The following FTSJ3 variants were observed in gnomAD, a reference collection of about 807,000 sequenced individuals.
FTSJ3 encodes the protein FtsJ RNA 2'-O-methyltransferase 3.
Under a neutral mutation model 111.5 loss-of-function variants are expected in FTSJ3, and 46 were observed. The observed-to-expected ratio is 0.41, with a 90% CI of 0.33 to 0.53. The LOEUF is 0.53. Among genes scored for constraint, FTSJ3 ranks in the 20% least tolerant of loss-of-function variants. The pLI is 0.19. For missense variants in FTSJ3, 1,075 were observed against 1,063.8 expected, an observed-to-expected ratio of 1.01 and a Z score of -0.15; for synonymous variants, 408 against 383.0, an observed-to-expected ratio of 1.07 and a Z score of -0.76.
chr17:63,819,752 A>C lies in FTSJ3; in HGVS notation c.*50T>G. On this transcript the variant is annotated 3_prime_UTR_variant, in exon 21 of 21. Coordinates refer to ENST00000427159, the MANE Select transcript of FTSJ3 (RefSeq NM_017647.4). ...CAAGGGGGCCAGACTGAGCCATGCCACACCCTTCCTCCTAGTCCCCATGCT... is the reference window on the plus strand; with the variant it reads ...CAAGGGGGCCAGACTGAGCCATGCCCCACCCTTCCTCCTAGTCCCCATGCT... 1 of 1,538,776 alleles carries C rather than the reference A, an allele frequency of 6.5e-7. No individual in the cohort carries two copies. The highest frequency in any genetic ancestry group is 8.8e-7 in the Non-Finnish European group (1 of 1,132,654).
chr17:63,827,170 G>A lies in FTSJ3; in HGVS notation c.-145C>T. 2 of 606,616 alleles carry A rather than the reference G, an allele frequency of 3.3e-6. No individual in the cohort carries two copies. The highest frequency in any genetic ancestry group is 2.0e-5 in the South Asian group (1 of 50,304). The allele number at this position is 606,616 out of a possible 1,614,324, so 37.6% of individuals were successfully genotyped here. Reference sequence around the variant, plus strand: ...GAGGTTTTCCGCCATTTTGAGTGTGGCCCTAGATTGTTCTCAATACTCTGT... The same window carrying A: ...GAGGTTTTCCGCCATTTTGAGTGTGACCCTAGATTGTTCTCAATACTCTGT... On this transcript the variant is annotated 5_prime_UTR_variant, in exon 1 of 21. Coordinates refer to ENST00000427159, the MANE Select transcript of FTSJ3 (RefSeq NM_017647.4).
In FTSJ3 at chr17:63,820,455, T is replaced by C. The variant is rs1426636744; in HGVS notation, c.2073-17A>G. 6.2e-7 allele frequency: 1 copy of C among 1,612,580 alleles called. No individual in the cohort carries two copies. The highest frequency in any genetic ancestry group is 8.5e-7 in the Non-Finnish European group (1 of 1,178,956). On this transcript the variant is annotated splice_polypyrimidine_tract_variant and intron_variant, in intron 18 of 20. Coordinates refer to ENST00000427159, the MANE Select transcript of FTSJ3 (RefSeq NM_017647.4). ...AATGTGTACCTGAGTGGAAAGGACA[T>C]CTGTCTAATATCCAACATTCCAGGC...
rs2040118900 is a variant in FTSJ3, at chr17:63,827,341, C to T, written c.-316G>A. 3 of 1,027,412 alleles carry T rather than the reference C, an allele frequency of 2.9e-6. No individual in the cohort carries two copies. The highest frequency in any genetic ancestry group is 4.3e-6 in the Non-Finnish European group (3 of 691,606). 63.6% of individuals were successfully genotyped at this position (1,027,412 alleles called of 1,614,324 possible). ...CCCTGAACTCGAGTAGCCGCCCCTC[C>T]CATCATGGTTCCCTTAGTGTGGTCT... On this transcript the variant is annotated 5_prime_UTR_variant, in exon 1 of 21. Transcript: ENST00000427159.
In FTSJ3 at chr17:63,821,668, CCTT is replaced by C. The variant is rs766165601; in HGVS notation, c.1597-28_1597-26del. On this transcript the variant is annotated intron_variant, in intron 15 of 20. Transcript: ENST00000427159. ...CCTGTGATAGGAGAACATCAGCTGC[CCTT>C]CTCCCAAGGAAGACTCATCTCCCCG... is the stretch of plus-strand genomic sequence containing the variant. 32 of 1,613,624 alleles carry C rather than the reference CCTT, an allele frequency of 2.0e-5. 1 individual carries two copies. In the South Asian group the frequency reaches 3.5e-4, roughly 18 times the overall value.
chr17:63,825,172 G>A lies in FTSJ3; in HGVS notation c.596-9C>T, dbSNP rs766366928. 2.5e-6 allele frequency: 4 copies of A among 1,613,920 alleles called. No individual in the cohort carries two copies. Among genetic ancestry groups the A allele is most frequent in the Admixed American group, 3.3e-5 (2 of 60,026 alleles). On this transcript the variant is annotated splice_polypyrimidine_tract_variant and intron_variant, in intron 7 of 20. Coordinates refer to ENST00000427159, the MANE Select transcript of FTSJ3 (RefSeq NM_017647.4). ...GTCAGGGGCCAGGAATCCTAAAAAT[G>A]ACAGGATATATTAAAAAGTGTGCTT...
chr17:63,823,361 C>T (rs374261236), intron 13 of FTSJ3, among the ~76,000 whole-genome samples: 2,101 of 152,226 alleles, frequency 0.014, 17 homozygotes, highest in Middle Eastern at 0.02. Context: ...TTTGGGAGGC[C>T]GAGGTGGGCA....
At position 63,821,659 on chromosome 17, in the gene FTSJ3, A is replaced by G; in HGVS notation, c.1597-16T>C. 1.2e-6 allele frequency: 2 copies of G among 1,613,652 alleles called. No homozygotes were observed. Among genetic ancestry groups the G allele is most frequent in the South Asian group, 1.1e-5 (1 of 91,062 alleles). ...CAAAGCTGCCCTGTGATAGGAGAAC[A>G]TCAGCTGCCCTTCTCCCAAGGAAGA... On this transcript the variant is annotated splice_polypyrimidine_tract_variant and intron_variant, in intron 15 of 20. Transcript: ENST00000427159.
rs1690828786 is a variant in FTSJ3, at chr17:63,825,348, G to A, written c.489C>T (p.Asp163=). The change falls in exon 7 of 21, where the codon GAC becomes GAT. Residue 163 remains aspartate (D), a synonymous_variant. Transcript: ENST00000427159. The stretch of plus-strand genomic sequence containing the variant: ...GAAAGATCCATAGCAGAGGCTGATA[G>A]TCACGAGAACGGAAAACCTTTGTGA... ...SFITKVFRSR[D]YQPLLWIFQQ... The A allele has an allele frequency of 1.9e-6, 3 of 1,614,108 alleles. No homozygotes were observed. Among genetic ancestry groups the A allele is most frequent in the Admixed American group, 3.3e-5 (2 of 60,012 alleles).
chr17:63,827,497 C>G lies in FTSJ3; in HGVS notation c.-472G>C, dbSNP rs1483251327. ...TCTCTGCTGAAGAGAGAAGATGGCG[C>G]TTGACGGACCAGAGCAGGTATGGCG... On this transcript the variant is annotated 5_prime_UTR_variant, in exon 1 of 21. Transcript: ENST00000427159. The G allele has an allele frequency of 7.1e-6, 11 of 1,551,640 alleles. No individual in the cohort carries two copies. The highest frequency in any genetic ancestry group is 8.7e-6 in the Non-Finnish European group (10 of 1,147,014).
At position 63,821,601 on chromosome 17, in the gene FTSJ3, C is replaced by A; in HGVS notation, c.1639G>T (p.Glu547Ter). The stretch of plus-strand genomic sequence containing the variant: ...AATAACAGCTGGGCCTGACTGATCT[C>A]CAGGGCCTCATCGGCATCGTCCTCG... ...GIEDDADEAL[E>*]ISQAQLLFEN... The change falls in exon 16 of 21, where the codon GAG becomes TAG. Residue 547 changes from glutamate (E) to a stop codon, truncating the protein, a stop_gained. Coordinates refer to ENST00000427159, the MANE Select transcript of FTSJ3 (RefSeq NM_017647.4). LOFTEE classifies it high-confidence loss of function. 6.2e-7 allele frequency: 1 copy of A among 1,613,802 alleles called. No individual in the cohort carries two copies. The highest frequency in any genetic ancestry group is 8.5e-7 in the Non-Finnish European group (1 of 1,179,710).
chr17:63,820,208 T>TTCCCCCCCCCCCCCC, intron 19 of FTSJ3, 35 bp from the exon 20 acceptor site: 42 of 694,904 alleles, frequency 6.0e-5, no homozygotes, highest in South Asian at 2.3e-4. Context: ...CTCTTCCCCA[T>TTCCCCCCCCCCCCCC]CCCCCCACCC....
intron 6 of FTSJ3, 21 bp from the exon 7 acceptor site, chr17:63,825,457 G>C: frequency 1.2e-6 from 2 of 1,613,890 alleles, no homozygotes; most frequent in Admixed American, 1.7e-5. Flanking sequence ...GAGACAATTA[G>C]TTGACGCACT....
rs146291249 is a variant in FTSJ3 at position 63,827,549 on chromosome 17, G to C, written c.-524C>G. Reference sequence around the variant, plus strand: ...GTGCAGTGGCGGCCCGGCAGGTTACGGGGCTGGGTGCGGAGCGAGCGTGAT... The same window carrying C: ...GTGCAGTGGCGGCCCGGCAGGTTACCGGGCTGGGTGCGGAGCGAGCGTGAT... On this transcript the variant is annotated 5_prime_UTR_variant, in exon 1 of 21. Transcript: ENST00000427159. 6.4e-7 allele frequency: 1 copy of C among 1,551,454 alleles called. No individual in the cohort carries two copies.
chr17:63,826,424 G>C (rs2040104877), intron 3 of FTSJ3, 120 bp from the exon 4 acceptor site: 2 of 1,187,722 alleles, frequency 1.7e-6, no homozygotes, highest in Non-Finnish European at 2.5e-6. Context: ...CGTATTCCAA[G>C]CCCTTTCTCT....
Position 63,819,951 on chromosome 17 carries a change from T to A in FTSJ3, c.2395A>T (p.Thr799Ser). ...ACACCTTTTTTGGCTACAACGTAGGTGACATGGCGTTTCTCCTTGCCAAGC... is the reference window on the plus strand; with the variant it reads ...ACACCTTTTTTGGCTACAACGTAGGAGACATGGCGTTTCTCCTTGCCAAGC... ...AGLGKEKRHV[T>S]YVVAKKGVGR... is the part of the protein sequence containing the mutation. Residue 799 changes from threonine (T) to serine (S), a missense_variant, in exon 21 of 21, where the codon ACC becomes TCC. By Grantham distance (58) the Thr-to-Ser change is moderately conservative. Transcript: ENST00000427159. The A allele has an allele frequency of 6.2e-7, 1 of 1,614,160 alleles. No individual in the cohort carries two copies. The highest frequency in any genetic ancestry group is 8.5e-7 in the Non-Finnish European group (1 of 1,180,028).
At position 63,824,703 on chromosome 17, in the gene FTSJ3, G is replaced by A. The variant is rs753298354; in HGVS notation, c.851C>T (p.Pro284Leu). The change falls in exon 10 of 21, where the codon CCA becomes CTA. Residue 284 changes from proline (P) to leucine (L), a missense_variant. Pro to Leu is a moderately conservative substitution (Grantham distance 98). Transcript: ENST00000427159. ...MVDDEELAQH[P>L]ATTEDIRVCC... is the part of the protein sequence containing the mutation. ...CACCCGTATGTCCTCAGTGGTAGCT[G>A]GATGCTGTGCCAACTCTTCATCATC... 2 of 1,614,018 alleles carry A rather than the reference G, an allele frequency of 1.2e-6. No homozygotes were observed. The highest frequency in any genetic ancestry group is 1.7e-6 in the Non-Finnish European group (2 of 1,179,998).
In FTSJ3 at chr17:63,823,814, C is replaced by T. The variant is rs2040072017; in HGVS notation, c.1290+3G>A. On this transcript the variant is annotated splice_donor_region_variant and intron_variant, in intron 13 of 20. Coordinates refer to ENST00000427159, the MANE Select transcript of FTSJ3 (RefSeq NM_017647.4). ...TAAACCTGCACCCCCAATGCCGCCT[C>T]ACCTGGTGACCCCGGATGGTGCTCA... 6.2e-7 allele frequency: 1 copy of T among 1,613,776 alleles called. No homozygotes were observed. The highest frequency in any genetic ancestry group is 1.7e-5 in the Admixed American group (1 of 59,948).
At position 63,820,274 on chromosome 17, in the gene FTSJ3, T is replaced by C; in HGVS notation, c.2237A>G (p.Lys746Arg). Residue 746 changes from lysine (K) to arginine (R), a missense_variant, in exon 19 of 21, where the codon AAG becomes AGG. Around this residue, in one of 2 missense-constraint regions of FTSJ3, gnomAD observed 867 missense variants for 796.9 expected, o/e 1.09. Transcript: ENST00000427159. The stretch of plus-strand genomic sequence containing the variant: ...ACTTACCCTCCTTTTCTTTCTAGCC[T>C]TAGCCTCAGCCACCTTCTTGATGGG... Reference protein sequence around the residue: ...ARPIKKVAEAKARKKRRMLKR... With the variant: ...ARPIKKVAEARARKKRRMLKR... The C allele has an allele frequency of 6.6e-7, 1 of 1,504,704 alleles. No individual in the cohort carries two copies. The highest frequency in any genetic ancestry group is 1.1e-5 in the South Asian group (1 of 89,328). The allele number at this position is 1,504,704 out of a possible 1,614,324, so 93.2% of individuals were successfully genotyped here. A position where few individuals can be genotyped will look rare whatever the true frequency, so the allele number is the denominator to read the frequency against.
chr17:63,822,128 T>C lies in FTSJ3; in HGVS notation c.1331A>G (p.Asp444Gly). 6.2e-7 allele frequency: 1 copy of C among 1,614,194 alleles called. No homozygotes were observed. Among genetic ancestry groups the C allele is most frequent in the Non-Finnish European group, 8.5e-7 (1 of 1,180,030 alleles). The change falls in exon 14 of 21, where the codon GAC becomes GGC. Residue 444 changes from aspartate to glycine, a missense_variant. Around this residue, in one of 2 missense-constraint regions of FTSJ3, gnomAD observed 867 missense variants for 796.9 expected, o/e 1.09. Transcript: ENST00000427159. ...EVTQGDMSAADTFLSDLPRDD... is the reference protein window; with the variant it reads ...EVTQGDMSAAGTFLSDLPRDD... ...CCTTGGCAGATCGGACAGAAATGTG[T>C]CTGCTGCACTCATATCCCCTTGTGT... is the stretch of plus-strand genomic sequence containing the variant.
Sources: gnomAD v4.1 joint callset for allele counts (sites outside exome capture counted in the v4.1 genomes callset) on GRCh38, gnomAD v4.1.1 for gene constraint, gnomAD v4.1.1 regional missense constraint, MANE v1.5 for transcripts, NCBI Gene and HGNC (gene_info 2026-07-23, HGNC 2026-07-21) for gene names.